Variants in GPC6 observed in about 807,000 individuals in gnomAD.
GPC6 encodes glypican-6.
GPC6 carries 14 observed loss-of-function variants against 55.2 expected under a neutral mutation model. The ratio of observed to expected loss-of-function variants is 0.25; its 90% CI spans 0.17 to 0.40. The LOEUF (loss-of-function observed/expected upper bound fraction) is 0.40. GPC6 is among the 10% of genes least tolerant of loss of function. GPC6 has a pLI of 1.00. For missense variants in GPC6, 641 were observed against 708.5 expected (o/e 0.90, Z 1.08); for synonymous variants, 278 against 259.6 (o/e 1.07, Z -0.68).
chr13:93,830,718 T>C, intron 3 of GPC6, 173 bp downstream of exon 3: 1 of 637,720 alleles, frequency 1.6e-6, no homozygotes, highest in East Asian at 2.8e-5. Context: ...TTCTTTTCCT[T>C]GCATTGTGTG....
intron 4 of GPC6, among the ~76,000 whole-genome samples, chr13:94,225,766 G>A (rs1215283721): frequency 6.6e-6 from 1 of 151,690 alleles, no homozygotes; most frequent in African/African-American, 2.4e-5. Flanking sequence ...GTGACCAGAG[G>A]CTTGCAGGAG....
chr13:93,673,190 A>G (rs540440070), intron 2 of GPC6, among the ~76,000 whole-genome samples: 65 of 152,288 alleles, frequency 4.3e-4, no homozygotes, highest in Admixed American at 1.2e-3. Flanking sequence ...TCCCAGTGCC[A>G]GTGGATCATT....
chr13:94,276,933 A>G (rs372115736), intron 4 of GPC6, among the ~76,000 whole-genome samples: 127 of 152,338 alleles, frequency 8.3e-4, no homozygotes, highest in African/African-American at 1.8e-3. Context: ...AGAATGACAT[A>G]TTCCTTTGTG....
chr13:93,350,937 A>G (rs571438235), intron 1 of GPC6, among the ~76,000 whole-genome samples: 1 of 152,230 alleles, frequency 6.6e-6, no homozygotes, highest in East Asian at 1.9e-4. Flanking sequence ...ACACATACAC[A>G]CAGACAAAAA....
At chr13:93,887,790 C>T (rs1566587287) in intron 3 of GPC6, among the ~76,000 whole-genome samples, 1 of 152,102 alleles carries the variant, frequency 6.6e-6, no homozygotes, top group Non-Finnish European at 1.5e-5. Context: ...TTGGATTTCT[C>T]ATTGTGTAGA....
At chr13:94,155,432 T>A (rs1887898832) in intron 4 of GPC6, among the ~76,000 whole-genome samples, 1 of 152,198 alleles carries the variant, frequency 6.6e-6, no homozygotes, top group Admixed American at 6.6e-5. Flanking sequence ...TTCAAGCTTT[T>A]GTTAATTTTC....
chr13:93,502,224 A>C (rs1313119603), intron 1 of GPC6, among the ~76,000 whole-genome samples: 2 of 152,028 alleles, frequency 1.3e-5, no homozygotes, highest in African/African-American at 4.8e-5. Flanking sequence ...AAAACAAAAC[A>C]AACAAAAATA....
intron 3 of GPC6, among the ~76,000 whole-genome samples, chr13:93,834,597 C>T: frequency 6.6e-6 from 1 of 151,974 alleles, no homozygotes; most frequent in Non-Finnish European, 1.5e-5. Flanking sequence ...TGTGTGCATG[C>T]ATGTATGTGC....
intron 2 of GPC6, among the ~76,000 whole-genome samples, chr13:93,627,166 C>A (rs979446629): frequency 1.3e-5 from 2 of 152,030 alleles, no homozygotes; most frequent in African/African-American, 4.8e-5. Context: ...CCCCCACCCC[C>A]CAATAGGCCC....
At chr13:93,868,859 A>G (rs1889046766) in intron 3 of GPC6, among the ~76,000 whole-genome samples, 1 of 151,846 alleles carries the variant, frequency 6.6e-6, no homozygotes, top group Admixed American at 6.6e-5. Context: ...CAACAACATT[A>G]AATGCAAATA....
intron 3 of GPC6, among the ~76,000 whole-genome samples, chr13:93,875,291 C>T (rs909371577): frequency 2.2e-4 from 33 of 151,968 alleles, no homozygotes; most frequent in African/African-American, 7.2e-4. Context: ...TCTATTTACC[C>T]GCAAAATATG....
chr13:93,399,671 C>T (rs950749792), intron 1 of GPC6, among the ~76,000 whole-genome samples: 4 of 152,212 alleles, frequency 2.6e-5, no homozygotes, highest in South Asian at 4.1e-4. Flanking sequence ...TTTCTTCCCT[C>T]GGTAAGTCCA....
intron 1 of GPC6, among the ~76,000 whole-genome samples, chr13:93,511,007 TC>T (rs1555306612): frequency 2.0e-4 from 4 of 19,626 alleles, no homozygotes; most frequent in African/African-American, 2.9e-4. Context: ...ATATATATAT[TC>T]ATGTCCTTTG....
the GPC6 span, among the ~76,000 whole-genome samples, chr13:93,220,154 A>G: frequency 1.3e-5 from 2 of 152,242 alleles, no homozygotes; most frequent in Non-Finnish European, 2.9e-5. Flanking sequence ...GGGCCTTTAA[A>G]TCTGTGAAAC....
At chr13:94,254,753 A>C (rs1467371188) in intron 4 of GPC6, among the ~76,000 whole-genome samples, 6 of 152,076 alleles carry the variant, frequency 3.9e-5, no homozygotes, top group Non-Finnish European at 8.8e-5. Context: ...CTTAGCTCAA[A>C]TTTTAAAATG....
At chr13:94,293,139 C>T (rs1461867653) in intron 5 of GPC6, among the ~76,000 whole-genome samples, 3 of 152,052 alleles carry the variant, frequency 2.0e-5, no homozygotes, top group African/African-American at 7.2e-5. Context: ...CCATGGTTAC[C>T]CTTGGTTGAA....
chr13:93,388,409 T>G (rs1245208629), intron 1 of GPC6, among the ~76,000 whole-genome samples: 1 of 152,206 alleles, frequency 6.6e-6, no homozygotes, highest in Non-Finnish European at 1.5e-5. Flanking sequence ...TCAAATTGTT[T>G]CTTCAGACTC....
chr13:93,411,417 C>A (rs374010224), intron 1 of GPC6, among the ~76,000 whole-genome samples: 1 of 152,132 alleles, frequency 6.6e-6, no homozygotes, highest in East Asian at 1.9e-4. Context: ...ATCTTAGTGG[C>A]TACAGACGTG....
chr13:93,370,952 A>C (rs1243771795), intron 1 of GPC6, among the ~76,000 whole-genome samples: 1 of 152,094 alleles, frequency 6.6e-6, no homozygotes, highest in African/African-American at 2.4e-5. Context: ...AGCCAATTAG[A>C]ATGATTCACC....
Sources: allele counts gnomAD v4.1 joint callset (sites outside exome capture counted in the v4.1 genomes callset), GRCh38; gene constraint gnomAD v4.1.1; transcripts MANE v1.5; gene names NCBI Gene and HGNC (gene_info 2026-07-23, HGNC 2026-07-21).